Variants in IQSEC1 observed in about 807,000 individuals in gnomAD.
The protein encoded by IQSEC1 is IQ motif and Sec7 domain ArfGEF 1, also known as IQ motif and SEC7 domain-containing protein 1.
A neutral mutation model predicts 91.0 loss-of-function variants in IQSEC1; 31 were observed. That is an observed-to-expected ratio of 0.34 (90% CI 0.26 to 0.46). The LOEUF is 0.46. Ranked by LOEUF, IQSEC1 falls within the 20% of genes least tolerant of loss-of-function variation. IQSEC1 has a pLI of 1.00. For synonymous variants in IQSEC1, 699 were observed against 662.6 expected (o/e 1.05, Z -0.84); for missense variants, 1,388 against 1,575.6 (o/e 0.88, Z 2.02).
At chr3:13,154,346 G>C (rs1707046658) in intron 2 of IQSEC1, among the ~76,000 whole-genome samples, 1 of 147,814 alleles carries the variant, frequency 6.8e-6, no homozygotes, top group African/African-American at 2.5e-5. Flanking sequence ...TAGGAACCCA[G>C]GAGGAAGCTC....
At chr3:13,208,443 C>G (rs1335167339) in intron 1 of IQSEC1, among the ~76,000 whole-genome samples, 1 of 152,134 alleles carries the variant, frequency 6.6e-6, no homozygotes, top group Non-Finnish European at 1.5e-5. Flanking sequence ...TCCTTCCGTC[C>G]CTCGTCCACC....
Position 12,901,504 on chromosome 3 carries a change from G to A in IQSEC1, c.2824C>T (p.Pro942Ser), listed in dbSNP as rs1394871094. The change falls in exon 14 of 14, where the codon CCT (proline) becomes TCT (serine). Residue 942 changes from proline to serine, a missense_variant. Pro to Ser is a moderately conservative substitution (Grantham distance 74). Coordinates refer to ENST00000613206, the MANE Select transcript of IQSEC1 (RefSeq NM_001134382.3). ...GATGTAGCTCTCCGGCGCATGTGAG[G>A]ACTGCTAATGATGGACCCCTAAAAA... ...SNVEGSIISSPHMRRRATSTR... is the reference protein window; with the variant it reads ...SNVEGSIISSSHMRRRATSTR... 3 of 1,549,790 alleles carry A rather than the reference G, an allele frequency of 1.9e-6. No homozygotes were observed. Among genetic ancestry groups the A allele is most frequent in the South Asian group, 1.2e-5 (1 of 84,060 alleles).
chr3:13,073,568 C>T (rs1177134878), upstream of IQSEC1, among the ~76,000 whole-genome samples: 1 of 151,836 alleles, frequency 6.6e-6, no homozygotes, highest in Non-Finnish European at 1.5e-5. Context: ...CGGCTGCGCC[C>T]TCGCGGCAAA....
chr3:12,999,093 G>A (rs1396907515), intron 1 of IQSEC1, among the ~76,000 whole-genome samples: 2 of 152,168 alleles, frequency 1.3e-5, no homozygotes, highest in Non-Finnish European at 2.9e-5. Context: ...TTCTGAGTGG[G>A]GAGCTGAGAA....
chr3:13,277,845 C>T (rs963330740), intron 1 of IQSEC1, among the ~76,000 whole-genome samples: 2 of 152,276 alleles, frequency 1.3e-5, no homozygotes, highest in South Asian at 2.1e-4. Flanking sequence ...TAAGAGGGGA[C>T]AGGAAATCCA....
chr3:12,977,983 C>T (rs1468170385), intron 1 of IQSEC1, among the ~76,000 whole-genome samples: 1 of 152,234 alleles, frequency 6.6e-6, no homozygotes, highest in Non-Finnish European at 1.5e-5. Flanking sequence ...TCCCAGCATA[C>T]CTTCCCACCT....
Position 13,140,261 on chromosome 3 carries a change from G to C in IQSEC1, c.302+23843C>G, listed in dbSNP as rs530620345. Among the ~76,000 whole-genome samples, 60 of 152,302 alleles carry C rather than the reference G, an allele frequency of 3.9e-4. 1 individual carries two copies. The South Asian group carries it at 0.012, about 32-fold the overall frequency. ...CTTGCATGTCTCAGTCCCCTACCAA[G>C]GGACAAGTTTGTGAGAACAGGGCTC... On this transcript the variant is annotated intron_variant, in intron 2 of 15. Coordinates refer to the IQSEC1 transcript ENST00000648114.
In IQSEC1 at chr3:13,182,891, G is replaced by A. The variant is rs114518077; in HGVS notation, c.273-18758C>T. ...AGAAATTAGAAAAAGTAGGCCGGTC[G>A]CAGTGGCTCACGCCTGTAATCCCAG... On this transcript the variant is annotated intron_variant, in intron 1 of 15. Coordinates refer to the IQSEC1 transcript ENST00000648114. 7.6e-3 allele frequency among the ~76,000 whole-genome samples: 1,162 copies of A among 152,276 alleles called. 8 individuals are homozygous for A. The highest frequency in any genetic ancestry group is 0.011 in the Non-Finnish European group (762 of 68,034).
rs897111683 is a variant in IQSEC1, at chr3:13,117,152, C to T, written c.302+46952G>A. ...CTCAACAACCAAAAGATAAGCAACT[C>T]GATTAAATCATGAATAGACCTTTCT... On this transcript the variant is annotated intron_variant, in intron 2 of 15. Coordinates refer to the IQSEC1 transcript ENST00000648114. Among the ~76,000 whole-genome samples the T allele has an allele frequency of 1.3e-5, 2 of 149,934 alleles. 1 individual carries two copies. Among genetic ancestry groups the T allele is most frequent in the South Asian group, 4.2e-4 (2 of 4,720 alleles).
rs1320005399 is a variant in IQSEC1 at position 12,983,192 on chromosome 3, C to T, written c.24-41327G>A. On this transcript the variant is annotated intron_variant, in intron 1 of 13. Coordinates refer to ENST00000613206, the MANE Select transcript of IQSEC1 (RefSeq NM_001134382.3). This position sits in a 1 kb window ranked among gnomAD's most constrained non-coding sequence, Gnocchi z 4.3. ...GCATAATCCAGATCTGAACTGGGTG[C>T]TCCAGCTCCAGCACCTAAGCCCCAT... Among the ~76,000 whole-genome samples the T allele has an allele frequency of 6.6e-6, 1 of 152,246 alleles. No homozygotes were observed. The highest frequency in any genetic ancestry group is 1.5e-5 in the Non-Finnish European group (1 of 68,036).
At chr3:13,054,102 C>T (rs1320809528) in intron 1 of IQSEC1, among the ~76,000 whole-genome samples, 2 of 152,222 alleles carry the variant, frequency 1.3e-5, no homozygotes, top group Admixed American at 6.5e-5. Context: ...TGGAGCCTGG[C>T]AGGCGTTCCC....
At chr3:13,054,777 G>A (rs932150047) in intron 1 of IQSEC1, among the ~76,000 whole-genome samples, 1 of 152,312 alleles carries the variant, frequency 6.6e-6, no homozygotes, top group South Asian at 2.1e-4. Context: ...GAGGCTGTTT[G>A]CCAGTGTCAC....
At chr3:12,972,085 AT>A (rs34042187) in intron 1 of IQSEC1, among the ~76,000 whole-genome samples, 31,819 of 145,180 alleles carry the variant, frequency 0.22, 4,320 homozygotes, top group East Asian at 0.76. Context: ...AACCAATGCA[AT>A]TTTTTTTTTT....
chr3:13,232,740 T>C (rs9853384), intron 1 of IQSEC1, among the ~76,000 whole-genome samples: 28,188 of 152,158 alleles, frequency 0.19, 3,633 homozygotes, highest in East Asian at 0.35. Flanking sequence ...AAGAGTAGTG[T>C]ACCCCAGTGT....
chr3:13,073,455 C>A (rs181741224), upstream of IQSEC1, among the ~76,000 whole-genome samples: 5 of 152,268 alleles, frequency 3.3e-5, no homozygotes, highest in East Asian at 9.7e-4. Flanking sequence ...GCGCCGGAGC[C>A]TCCCCCACCC....
chr3:12,898,422 T>TC lies in IQSEC1; in HGVS notation c.*2560dup, dbSNP rs1693861040. The TC allele has an allele frequency of 6.6e-6, 1 of 152,238 alleles. No individual in the cohort carries two copies. The highest frequency in any genetic ancestry group is 2.1e-4 in the South Asian group (1 of 4,834). 9.4% of individuals were successfully genotyped at this position (152,238 alleles called of 1,614,324 possible). On this transcript the variant is annotated 3_prime_UTR_variant, in exon 14 of 14. Coordinates refer to ENST00000613206, the MANE Select transcript of IQSEC1 (RefSeq NM_001134382.3). ...AAACCCCGGGAAGGGCTCAGTGGGT[T>TC]CCAGCAGTTCCTTACGCGAGGCCCT...
At position 12,901,140 on chromosome 3, in the gene IQSEC1, TG is replaced by T; in HGVS notation, c.3187del (p.His1063MetfsTer57). The part of the protein sequence containing the change: ...QHAHQYHHGP[H>X]GGHPAYGAHA... Reference sequence around the variant, plus strand: ...GGCCCCGTAGGCTGGGTGGCCCCCATGGGGGCCGTGGTGGTACTGGTGTGCG... The same window carrying T: ...GGCCCCGTAGGCTGGGTGGCCCCCATGGGGCCGTGGTGGTACTGGTGTGCG... On this transcript the variant is annotated frameshift_variant, in exon 14 of 14. Coordinates refer to ENST00000613206, the MANE Select transcript of IQSEC1 (RefSeq NM_001134382.3). LOFTEE classifies it low-confidence loss of function (END_TRUNC). The T allele has an allele frequency of 6.5e-7, 1 of 1,541,652 alleles. No homozygotes were observed.
chr3:13,068,976 T>C (rs1157649), intron 1 of IQSEC1, among the ~76,000 whole-genome samples: 28,591 of 152,202 alleles, frequency 0.19, 3,403 homozygotes, highest in East Asian at 0.37. Flanking sequence ...AGGTGCACCA[T>C]GAACACTAGC....
chr3:13,281,944 G>A (rs1695798541), intron 1 of IQSEC1, among the ~76,000 whole-genome samples: 1 of 152,174 alleles, frequency 6.6e-6, no homozygotes, highest in Non-Finnish European at 1.5e-5. Flanking sequence ...ATGGGCGCCC[G>A]AAGGTCCACA....
Sources: gnomAD v4.1 joint callset for allele counts (sites outside exome capture counted in the v4.1 genomes callset) on GRCh38, gnomAD v4.1.1 for gene constraint, Gnocchi (gnomAD v3.1) non-coding constraint, MANE v1.5 for transcripts, NCBI Gene and HGNC (gene_info 2026-07-23, HGNC 2026-07-21) for gene names.